ZFHX3: variants seen among roughly 807,000 people sequenced by gnomAD.
ZFHX3 encodes the protein zinc finger homeobox protein 3.
Under a neutral mutation model 279.1 loss-of-function variants are expected in ZFHX3, and 42 were observed. That is an observed-to-expected ratio of 0.15 (90% CI 0.12 to 0.19). The LOEUF (loss-of-function observed/expected upper bound fraction) is 0.19, where lower values mean the gene tolerates loss of function less well. ZFHX3 is among the 10% of genes least tolerant of loss of function. The probability of loss-of-function intolerance (pLI) is 1.00; values close to 1 mark genes in which losing one functional copy is unlikely to be tolerated. For synonymous variants in ZFHX3, 2,293 were observed against 1,957.8 expected, an observed-to-expected ratio of 1.17 and a Z score of -4.52; for missense variants, 4,981 against 4,754.0, an observed-to-expected ratio of 1.05 and a Z score of -1.40.
At chr16:73,246,537 C>T (rs1022667760) in intron 5 of ZFHX3, among the ~76,000 whole-genome samples, 9 of 152,154 alleles carry the variant, frequency 5.9e-5, no homozygotes, top group Non-Finnish European at 1.2e-4. Flanking sequence ...GCTGTCTCCT[C>T]CATGACCATA....
chr16:73,384,958 T>A (rs2016873137), intron 3 of ZFHX3, among the ~76,000 whole-genome samples: 1 of 152,216 alleles, frequency 6.6e-6, no homozygotes, highest in African/African-American at 2.4e-5. Context: ...TGGGTTCCCA[T>A]GGGACTTTTG....
At chr16:72,856,992 G>A (rs573217430) in intron 4 of ZFHX3, among the ~76,000 whole-genome samples, 97 of 152,292 alleles carry the variant, frequency 6.4e-4, no homozygotes, top group Non-Finnish European at 1.2e-3. Context: ...ACACCCGCAG[G>A]TGATGCTTCA....
chr16:73,524,087 G>C (rs1011687239), intron 2 of ZFHX3, among the ~76,000 whole-genome samples: 3 of 152,126 alleles, frequency 2.0e-5, no homozygotes, highest in Admixed American at 1.3e-4. Flanking sequence ...TTCGCATAAG[G>C]GAAGGACAGT....
intron 2 of ZFHX3, among the ~76,000 whole-genome samples, chr16:73,474,952 G>T (rs963211966): frequency 3.3e-5 from 5 of 152,144 alleles, no homozygotes; most frequent in Non-Finnish European, 1.5e-5. Flanking sequence ...GGAGGAGTGG[G>T]TGGGTAATTG....
At chr16:73,040,472 CG>C (rs1415564481) in intron 1 of ZFHX3, among the ~76,000 whole-genome samples, 1 of 149,562 alleles carries the variant, frequency 6.7e-6, no homozygotes, top group Non-Finnish European at 1.5e-5. Context: ...ACAAGCCAGC[CG>C]GGGAAGGCCT....
chr16:73,560,509 C>T (rs1457061528), intron 2 of ZFHX3, among the ~76,000 whole-genome samples: 1 of 152,178 alleles, frequency 6.6e-6, no homozygotes, highest in East Asian at 1.9e-4. Flanking sequence ...TATATTACCC[C>T]ATCAAGTTGG....
chr16:73,497,480 G>T (rs1325969605), intron 2 of ZFHX3, among the ~76,000 whole-genome samples: 1 of 152,092 alleles, frequency 6.6e-6, no homozygotes, highest in Admixed American at 6.6e-5. Flanking sequence ...ACCAGCCTGG[G>T]CAACAAAGTG....
chr16:73,388,726 C>T (rs554645406), intron 3 of ZFHX3: 1 of 152,344 alleles, frequency 6.6e-6, no homozygotes, highest in African/African-American at 2.4e-5. Flanking sequence ...ATTAGAAGGC[C>T]TCTGTGACAA....
At chr16:73,848,021 AGT>A (rs995432780) in intron 1 of ZFHX3, among the ~76,000 whole-genome samples, 28 of 150,832 alleles carry the variant, frequency 1.9e-4, no homozygotes, top group African/African-American at 6.6e-4. Context: ...GGCTTCCCAA[AGT>A]GCTGGGATTA....
intron 5 of ZFHX3, among the ~76,000 whole-genome samples, chr16:72,823,226 G>A (rs1047204783): frequency 6.6e-6 from 1 of 152,166 alleles, no homozygotes; most frequent in African/African-American, 2.4e-5. Flanking sequence ...AAGGGGCCAC[G>A]CAAAATGGGC....
At chr16:73,131,643 A>C (rs1336948881) in intron 6 of ZFHX3, among the ~76,000 whole-genome samples, 1 of 152,182 alleles carries the variant, frequency 6.6e-6, no homozygotes, top group Non-Finnish European at 1.5e-5. Flanking sequence ...AAAGCATCAA[A>C]GGAGCTTTGC....
intron 1 of ZFHX3, among the ~76,000 whole-genome samples, chr16:73,751,117 T>C (rs769148145): frequency 3.3e-5 from 5 of 152,202 alleles, no homozygotes; most frequent in African/African-American, 9.6e-5. Context: ...TCCCAGAAAC[T>C]ATGTATGTCT....
chr16:73,428,817 G>C (rs938277503), intron 3 of ZFHX3, among the ~76,000 whole-genome samples: 4 of 152,098 alleles, frequency 2.6e-5, no homozygotes, highest in Admixed American at 1.3e-4. Context: ...AGGGTCTGAG[G>C]CCCTTCTATA....
intron 5 of ZFHX3, among the ~76,000 whole-genome samples, chr16:73,198,369 C>G (rs988465504): frequency 6.7e-6 from 1 of 149,628 alleles, no homozygotes; most frequent in East Asian, 1.9e-4. Context: ...GAAGTTTAAC[C>G]CCATTGCTGG....
intron 5 of ZFHX3, among the ~76,000 whole-genome samples, chr16:72,826,368 A>C (rs1036571937): frequency 6.6e-6 from 1 of 152,198 alleles, no homozygotes; most frequent in African/African-American, 2.4e-5. Flanking sequence ...AATCTGCATC[A>C]TGAACAGCCA....
intron 8 of ZFHX3, among the ~76,000 whole-genome samples, chr16:73,070,295 C>G (rs1274750259): frequency 6.6e-6 from 1 of 152,062 alleles, no homozygotes; most frequent in Non-Finnish European, 1.5e-5. Flanking sequence ...AAACTGCGGC[C>G]GTGCAATTCA....
At chr16:72,939,857 A>G (rs999413920) in intron 3 of ZFHX3, among the ~76,000 whole-genome samples, 4 of 152,206 alleles carry the variant, frequency 2.6e-5, no homozygotes, top group Non-Finnish European at 5.9e-5. Context: ...GGCTCACTGC[A>G]GCCTTGACCT....
rs145042312 is a variant in ZFHX3, at chr16:73,432,090, G to A, written c.-1291+23913C>T. On this transcript the variant is annotated intron_variant, in intron 3 of 17. Transcript: ENST00000641206. Reference sequence around the variant, plus strand: ...ATCTTTAAAATAAAAATCCGTCTCCGCCTAGGTATGGATGAAGATTTCTGT... The same window carrying A: ...ATCTTTAAAATAAAAATCCGTCTCCACCTAGGTATGGATGAAGATTTCTGT... 1.8e-3 allele frequency among the ~76,000 whole-genome samples: 274 copies of A among 152,264 alleles called. 1 individual carries two copies. Among genetic ancestry groups the A allele is most frequent in the Non-Finnish European group, 3.1e-3 (214 of 68,024 alleles).
intron 1 of ZFHX3, among the ~76,000 whole-genome samples, chr16:73,781,715 G>A (rs781067540): frequency 5.3e-5 from 8 of 152,148 alleles, no homozygotes; most frequent in Non-Finnish European, 7.4e-5. Flanking sequence ...GAGGTCGGGC[G>A]TGGTGGCGCA....
Sources: gnomAD v4.1 joint callset for allele counts (sites outside exome capture counted in the v4.1 genomes callset) on GRCh38, gnomAD v4.1.1 for gene constraint, MANE v1.5 for transcripts, NCBI Gene and HGNC (gene_info 2026-07-23, HGNC 2026-07-21) for gene names.